The following MGAT5 variants were observed in gnomAD, a reference collection of about 807,000 sequenced individuals.
MGAT5 encodes the protein alpha-1,6-mannosylglycoprotein 6-beta-N-acetylglucosaminyltransferase, also known as alpha-1,6-mannosylglycoprotein 6-beta-N-acetylglucosaminyltransferase A.
Under a neutral mutation model 94.3 loss-of-function variants are expected in MGAT5, and 30 were observed. The observed-to-expected ratio is 0.32, with a 90% CI of 0.24 to 0.43. The LOEUF (loss-of-function observed/expected upper bound fraction) is 0.43, where lower values mean the gene tolerates loss of function less well. Ranked by LOEUF, MGAT5 falls within the 20% of genes least tolerant of loss-of-function variation. MGAT5 has a pLI of 1.00. For missense variants in MGAT5, 691 were observed against 905.5 expected (o/e 0.76, Z 3.04); for synonymous variants, 310 against 322.9 (o/e 0.96, Z 0.43).
intron 1 of MGAT5, among the ~76,000 whole-genome samples, chr2:134,223,895 T>G (rs1680917641): frequency 6.6e-6 from 1 of 151,728 alleles, no homozygotes; most frequent in Non-Finnish European, 1.5e-5. Flanking sequence ...TCCAATTGTT[T>G]AAAAAACTGT....
At chr2:134,430,135 C>G (rs951282246) in intron 14 of MGAT5, among the ~76,000 whole-genome samples, 1 of 152,210 alleles carries the variant, frequency 6.6e-6, no homozygotes, top group African/African-American at 2.4e-5. Context: ...CTTAAGACAT[C>G]ACAGCTCTTG....
At chr2:134,426,205 A>ACTTCCTTC (rs112848952) in intron 13 of MGAT5, among the ~76,000 whole-genome samples, 6 of 136,096 alleles carry the variant, frequency 4.4e-5, no homozygotes, top group African/African-American at 1.1e-4. Context: ...TGACTCACCG[A>ACTTCCTTC]CTTCCTTCCT....
chr2:134,350,339 A>C (rs1192616098), intron 9 of MGAT5, among the ~76,000 whole-genome samples: 1 of 152,186 alleles, frequency 6.6e-6, no homozygotes, highest in African/African-American at 2.4e-5. Context: ...CCACATAATT[A>C]AACCTTAATT....
At chr2:134,397,233 A>G (rs1282651229) in intron 10 of MGAT5, among the ~76,000 whole-genome samples, 1 of 152,234 alleles carries the variant, frequency 6.6e-6, no homozygotes, top group Non-Finnish European at 1.5e-5. Context: ...GAGCCTACAG[A>G]CAATGTCTTA....
rs747678558 is a variant in MGAT5, at chr2:134,270,528, A to G, written c.384A>G (p.Ala128=). 6.2e-7 allele frequency: 1 copy of G among 1,614,050 alleles called. No individual in the cohort carries two copies. Among genetic ancestry groups the G allele is most frequent in the African/African-American group, 1.3e-5 (1 of 74,928 alleles). Residue 128 remains alanine (A), a synonymous_variant, in exon 2 of 16, where the codon GCA becomes GCG. Transcript: ENST00000281923. The part of the protein sequence containing the change: ...NSTTAVPSLV[A]LEKINVADII... ...CTACAGCTGTTCCCAGCTTGGTTGC[A>G]CTTGAGAAAATTAATGTGGCAGGTA... is the stretch of plus-strand genomic sequence containing the variant.
intron 1 of MGAT5, among the ~76,000 whole-genome samples, chr2:134,124,323 C>T (rs555029710): frequency 6.6e-6 from 1 of 152,244 alleles, no homozygotes; most frequent in South Asian, 2.1e-4. Flanking sequence ...TTTTTCATTG[C>T]CACAATTAAG....
chr2:134,175,319 G>A (rs1177403170), intron 1 of MGAT5, among the ~76,000 whole-genome samples: 1 of 152,176 alleles, frequency 6.6e-6, no homozygotes, highest in Non-Finnish European at 1.5e-5. Context: ...TTCTGATCTT[G>A]CTGCTAATAT....
intron 1 of MGAT5, among the ~76,000 whole-genome samples, chr2:134,171,171 T>G (rs1468986351): frequency 2.0e-5 from 3 of 152,190 alleles, no homozygotes; most frequent in African/African-American, 7.2e-5. Context: ...GAGATATATT[T>G]CCAAAATGGC....
chr2:134,285,028 T>C (rs1380007630), intron 2 of MGAT5, among the ~76,000 whole-genome samples: 1 of 152,230 alleles, frequency 6.6e-6, no homozygotes, highest in Admixed American at 6.5e-5. Context: ...TGTTATTGTG[T>C]ATTGATTGCC....
intron 1 of MGAT5, among the ~76,000 whole-genome samples, chr2:134,228,165 T>C (rs1681163948): frequency 6.6e-6 from 1 of 152,076 alleles, no homozygotes. Flanking sequence ...ACAGGAACAA[T>C]GTGTGTTGGT....
At chr2:134,411,157 C>T (rs948272551) in intron 11 of MGAT5, among the ~76,000 whole-genome samples, 3 of 152,194 alleles carry the variant, frequency 2.0e-5, no homozygotes, top group Admixed American at 1.3e-4. Flanking sequence ...ATGTCCAGGC[C>T]ACACCCTATA....
At chr2:134,333,951 T>C (rs1328297288) in intron 4 of MGAT5, among the ~76,000 whole-genome samples, 1 of 152,158 alleles carries the variant, frequency 6.6e-6, no homozygotes, top group Non-Finnish European at 1.5e-5. Context: ...TTTAATTATT[T>C]TGTTAACCAG....
At chr2:134,172,472 C>T (rs561503123) in intron 1 of MGAT5, among the ~76,000 whole-genome samples, 9 of 152,118 alleles carry the variant, frequency 5.9e-5, no homozygotes, top group South Asian at 2.1e-4. Flanking sequence ...CTGCAAGCTC[C>T]GCCTCCTTGG....
chr2:134,189,744 G>A (rs1689274870), intron 1 of MGAT5, among the ~76,000 whole-genome samples: 1 of 151,690 alleles, frequency 6.6e-6, no homozygotes. Context: ...TGGGACTACA[G>A]GTGCCTGCCA....
At chr2:134,166,168 C>T (rs550156471) in intron 1 of MGAT5, among the ~76,000 whole-genome samples, 1 of 152,040 alleles carries the variant, frequency 6.6e-6, no homozygotes, top group African/African-American at 2.4e-5. Context: ...ACGTATTGAG[C>T]CAGGAGTGCT....
At chr2:134,181,346 T>G (rs892608132) in intron 1 of MGAT5, among the ~76,000 whole-genome samples, 2 of 152,230 alleles carry the variant, frequency 1.3e-5, no homozygotes, top group Admixed American at 6.5e-5. Context: ...TACACTCATG[T>G]AAACCGGAAG....
intron 2 of MGAT5, among the ~76,000 whole-genome samples, chr2:134,316,308 C>T (rs1442223806): frequency 6.6e-6 from 1 of 152,062 alleles, no homozygotes. Flanking sequence ...TCCTGAGTAC[C>T]TCACACTTCT....
intron 5 of MGAT5, among the ~76,000 whole-genome samples, chr2:134,336,636 G>A (rs1288078886): frequency 2.0e-5 from 3 of 152,118 alleles, no homozygotes; most frequent in Non-Finnish European, 4.4e-5. Context: ...TGAGGAAGAG[G>A]TCATTTTAGT....
chr2:134,157,324 A>G (rs1198436344), intron 1 of MGAT5, among the ~76,000 whole-genome samples: 1 of 152,188 alleles, frequency 6.6e-6, no homozygotes, highest in Non-Finnish European at 1.5e-5. Flanking sequence ...TATCTTTGCA[A>G]CTTTTCTGCA....
Sources: allele counts gnomAD v4.1 joint callset (sites outside exome capture counted in the v4.1 genomes callset), GRCh38; gene constraint gnomAD v4.1.1; transcripts MANE v1.5; gene names NCBI Gene and HGNC (gene_info 2026-07-23, HGNC 2026-07-21).